The following KLF15 variants were observed in gnomAD, a reference collection of about 807,000 sequenced individuals.
KLF15 encodes Krueppel-like factor 15.
A neutral mutation model predicts 24.6 loss-of-function variants in KLF15; 4 were observed. That is an observed-to-expected ratio of 0.16 (90% CI 0.08 to 0.37). The LOEUF (loss-of-function observed/expected upper bound fraction) is 0.37, where lower values mean the gene tolerates loss of function less well. KLF15 is among the 10% of genes least tolerant of loss of function. KLF15 has a pLI of 1.00. For missense variants in KLF15, 496 were observed against 560.6 expected, an observed-to-expected ratio of 0.88 and a Z score of 1.16; for synonymous variants, 246 against 236.3, an observed-to-expected ratio of 1.04 and a Z score of -0.37.
the KLF15 span, among the ~76,000 whole-genome samples, chr3:126,291,522 T>C: frequency 6.6e-6 from 1 of 152,244 alleles, no homozygotes; most frequent in Non-Finnish European, 1.5e-5. Flanking sequence ...TTTAAAACTG[T>C]CAAGACTTTG....
the KLF15 span, among the ~76,000 whole-genome samples, chr3:126,313,237 C>T: frequency 1.4e-4 from 22 of 152,266 alleles, no homozygotes; most frequent in African/African-American, 4.3e-4. Flanking sequence ...GCCAGCTGCA[C>T]GGCAGAGAGA....
the KLF15 span, among the ~76,000 whole-genome samples, chr3:126,322,872 G>C: frequency 6.6e-6 from 1 of 152,132 alleles, no homozygotes; most frequent in Non-Finnish European, 1.5e-5. Context: ...CAATACATGG[G>C]ATAAATGAAT....
downstream of KLF15, among the ~76,000 whole-genome samples, chr3:126,337,745 G>A (rs567731630): frequency 6.6e-6 from 1 of 152,260 alleles, no homozygotes; most frequent in Admixed American, 6.5e-5. Context: ...GCTATTCTAA[G>A]TGTGTTGCAT....
the KLF15 span, among the ~76,000 whole-genome samples, chr3:126,316,567 T>C: frequency 0.64 from 82,163 of 128,066 alleles, 25,544 homozygotes; most frequent in African/African-American, 0.73. Flanking sequence ...GTACACGGGC[T>C]GGAGTAGGGA....
the KLF15 span, among the ~76,000 whole-genome samples, chr3:126,312,821 G>A: frequency 1.3e-4 from 20 of 152,158 alleles, no homozygotes; most frequent in East Asian, 3.9e-3. Flanking sequence ...TTAAGGCCCT[G>A]AAGGTCTGTC....
downstream of KLF15, among the ~76,000 whole-genome samples, chr3:126,342,230 G>T (rs917729400): frequency 2.0e-5 from 3 of 152,216 alleles, no homozygotes; most frequent in African/African-American, 4.8e-5. Context: ...TAAATACTCT[G>T]CCAAGGCACA....
chr3:126,316,644 CCAGAGTAGGGAAGGGAG>C, the KLF15 span, among the ~76,000 whole-genome samples: 1 of 138,062 alleles, frequency 7.2e-6, no homozygotes, highest in African/African-American at 2.8e-5. Flanking sequence ...AGTGCATGGG[CCAGAGTAGGGAAGGGAG>C]TGCACAGGCT....
the KLF15 span, among the ~76,000 whole-genome samples, chr3:126,302,181 G>T: frequency 2.0e-5 from 3 of 152,132 alleles, no homozygotes; most frequent in African/African-American, 7.2e-5. Flanking sequence ...ATACTTGGGG[G>T]ATTTCCAGGT....
the KLF15 span, among the ~76,000 whole-genome samples, chr3:126,329,133 C>G: frequency 3.0e-4 from 45 of 152,172 alleles, no homozygotes; most frequent in Non-Finnish European, 3.1e-4. Flanking sequence ...GTGGTTGGCT[C>G]TTTTACCCAC....
the KLF15 span, among the ~76,000 whole-genome samples, chr3:126,303,720 C>CTT: frequency 2.2e-4 from 33 of 149,900 alleles, no homozygotes; most frequent in African/African-American, 4.4e-4. Context: ...CTTTATATAT[C>CTT]TTTTTTTTTA....
chr3:126,349,901 GA>G (rs1299760194), intron 2 of KLF15, among the ~76,000 whole-genome samples: 13 of 152,238 alleles, frequency 8.5e-5, no homozygotes, highest in Non-Finnish European at 1.5e-4. Context: ...GGGGGCTGGA[GA>G]GAATGCCTTC....
At position 126,357,406 on chromosome 3, in the gene KLF15, A is replaced by G. The variant is rs1443981881; in HGVS notation, c.-195T>C. The G allele has an allele frequency of 6.8e-6, 1 of 146,832 alleles. No homozygotes were observed. Among genetic ancestry groups the G allele is most frequent in the Non-Finnish European group, 1.5e-5 (1 of 65,936 alleles). The allele number at this position is 146,832 out of a possible 1,614,324, so 9.1% of individuals were successfully genotyped here. On this transcript the variant is annotated 5_prime_UTR_variant, in exon 1 of 3. Coordinates refer to ENST00000296233, the MANE Select transcript of KLF15 (RefSeq NM_014079.4). ...GGCCCGCGGGTCGCTGCGGCGGAGC[A>G]CTAGCCCGCCCGCAGCTCGCTGGGC...
At chr3:126,327,679 A>G in the KLF15 span, among the ~76,000 whole-genome samples, 6 of 152,202 alleles carry the variant, frequency 3.9e-5, no homozygotes, top group Non-Finnish European at 8.8e-5. Flanking sequence ...CAGACTTCAT[A>G]CATAGGATGA....
At chr3:126,315,451 G>T in the KLF15 span, among the ~76,000 whole-genome samples, 3 of 152,192 alleles carry the variant, frequency 2.0e-5, no homozygotes, top group Admixed American at 6.5e-5. Context: ...TGCCCCAGAT[G>T]GGGGAGGGGC....
intron 2 of KLF15, 91 bp from the exon 3 acceptor site, chr3:126,343,986 C>G (rs1349826214): frequency 7.4e-7 from 1 of 1,352,516 alleles, no homozygotes; most frequent in Non-Finnish European, 9.8e-7. Flanking sequence ...AGGCGTGCAC[C>G]TGGCACTCAC....
At chr3:126,333,916 A>G in the KLF15 span, among the ~76,000 whole-genome samples, 2 of 149,742 alleles carry the variant, frequency 1.3e-5, no homozygotes, top group Middle Eastern at 7.1e-3. Flanking sequence ...ACCCAGATTC[A>G]TAAAGCAAGT....
chr3:126,349,621 A>G (rs2082566348), intron 2 of KLF15, among the ~76,000 whole-genome samples: 1 of 152,166 alleles, frequency 6.6e-6, no homozygotes. Flanking sequence ...GCCCTAAGAT[A>G]TCCAGGAAGA....
the KLF15 span, among the ~76,000 whole-genome samples, chr3:126,329,136 T>C: frequency 6.6e-6 from 1 of 152,258 alleles, no homozygotes; most frequent in Non-Finnish European, 1.5e-5. Context: ...GTTGGCTCTT[T>C]TACCCACTTG....
chr3:126,331,018 A>T, the KLF15 span, among the ~76,000 whole-genome samples: 1 of 152,202 alleles, frequency 6.6e-6, no homozygotes, highest in Non-Finnish European at 1.5e-5. Context: ...ACTGACATGA[A>T]TGGGGCTTGA....
Sources: gnomAD v4.1 joint callset for allele counts (sites outside exome capture counted in the v4.1 genomes callset) on GRCh38, gnomAD v4.1.1 for gene constraint, MANE v1.5 for transcripts, NCBI Gene and HGNC (gene_info 2026-07-23, HGNC 2026-07-21) for gene names.